RYR2: variants seen among roughly 807,000 people sequenced by gnomAD.
RYR2 encodes ryanodine receptor 2.
In RYR2, 227 loss-of-function variants were observed where a neutral mutation model predicts 601.1. The observed-to-expected ratio is 0.38, with a 90% CI of 0.34 to 0.42. The LOEUF is 0.42. RYR2 is among the 10% of genes least tolerant of loss of function. RYR2 has a pLI of 1.00. For missense variants in RYR2, 4,646 were observed against 6,156.5 expected (o/e 0.75, Z 8.21); for synonymous variants, 2,223 against 2,175.1 (o/e 1.02, Z -0.61).
At chr1:237,435,347 A>G (rs1423843189) in intron 12 of RYR2, among the ~76,000 whole-genome samples, 1 of 152,220 alleles carries the variant, frequency 6.6e-6, no homozygotes, top group Non-Finnish European at 1.5e-5. Flanking sequence ...GTTATGTGGC[A>G]GAACCAAACT....
intron 12 of RYR2, among the ~76,000 whole-genome samples, chr1:237,434,838 A>G (rs561447070): frequency 1.3e-5 from 2 of 152,192 alleles, no homozygotes; most frequent in African/African-American, 2.4e-5. Context: ...TGCAGTGGCA[A>G]GATCTTGGCT....
intron 29 of RYR2, among the ~76,000 whole-genome samples, chr1:237,577,316 A>G (rs772836125): frequency 6.6e-6 from 1 of 152,200 alleles, no homozygotes; most frequent in Non-Finnish European, 1.5e-5. Context: ...AATGTCCTCC[A>G]AAGATGTTGA....
chr1:237,472,785 G>A (rs1660879904), intron 17 of RYR2, among the ~76,000 whole-genome samples: 1 of 151,926 alleles, frequency 6.6e-6, no homozygotes, highest in South Asian at 2.1e-4. Flanking sequence ...TGCACGCATA[G>A]GCTGTAGAAA....
intron 62 of RYR2, among the ~76,000 whole-genome samples, chr1:237,685,979 G>A (rs1011656165): frequency 3.3e-5 from 5 of 152,164 alleles, no homozygotes; most frequent in African/African-American, 1.2e-4. Flanking sequence ...ACAGAAGTGA[G>A]GGGTGATGGC....
chr1:237,832,405 G>C (rs1452675899), intron 104 of RYR2, 147 bp from the exon 105 acceptor site: 2 of 468,686 alleles, frequency 4.3e-6, no homozygotes, highest in Admixed American at 7.6e-5. Context: ...GAGACGTTAA[G>C]GTCTGGTATA....
At chr1:237,199,487 C>G (rs12097733) in intron 1 of RYR2, among the ~76,000 whole-genome samples, 9,051 of 152,262 alleles carry the variant, frequency 0.059, 914 homozygotes, top group African/African-American at 0.21. Context: ...CCAGGAGACT[C>G]AGCAAGTCTT....
intron 22 of RYR2, among the ~76,000 whole-genome samples, chr1:237,505,516 A>G (rs1665129966): frequency 6.6e-6 from 1 of 152,222 alleles, no homozygotes; most frequent in Non-Finnish European, 1.5e-5. Context: ...TAAACATGCA[A>G]ACATTGTTCA....
At chr1:237,547,957 A>G (rs967768882) in intron 25 of RYR2, among the ~76,000 whole-genome samples, 1 of 152,238 alleles carries the variant, frequency 6.6e-6, no homozygotes, top group Non-Finnish European at 1.5e-5. Context: ...TTACAAATGC[A>G]TTTAAATTTC....
chr1:237,083,750 C>A (rs1240211111), intron 1 of RYR2, among the ~76,000 whole-genome samples: 1 of 152,118 alleles, frequency 6.6e-6, no homozygotes, highest in African/African-American at 2.4e-5. Flanking sequence ...CCCACTGCTT[C>A]TTATATTACT....
At chr1:237,389,157 A>C (rs2149854399) in intron 10 of RYR2, among the ~76,000 whole-genome samples, 1 of 152,312 alleles carries the variant, frequency 6.6e-6, no homozygotes, top group African/African-American at 2.4e-5. Context: ...TTTAGGAAGA[A>C]GATGTCGATG....
intron 80 of RYR2, among the ~76,000 whole-genome samples, chr1:237,749,295 G>A (rs894152941): frequency 1.3e-5 from 2 of 152,116 alleles, no homozygotes; most frequent in African/African-American, 2.4e-5. Context: ...CTGTGTGAGC[G>A]GAAGCCTCAA....
intron 58 of RYR2, among the ~76,000 whole-genome samples, chr1:237,673,185 C>A (rs546103945): frequency 1.3e-5 from 2 of 152,148 alleles, no homozygotes; most frequent in African/African-American, 4.8e-5. Flanking sequence ...GGTAGTTGAG[C>A]CTCTCACACA....
At chr1:237,553,883 G>A (rs188424739) in intron 27 of RYR2, among the ~76,000 whole-genome samples, 43 of 151,878 alleles carry the variant, frequency 2.8e-4, no homozygotes, top group Admixed American at 2.3e-3. Flanking sequence ...CCTGTGATTT[G>A]GCTAAATTTA....
intron 71 of RYR2, among the ~76,000 whole-genome samples, chr1:237,715,328 A>T (rs1233040697): frequency 2.6e-5 from 4 of 152,186 alleles, no homozygotes; most frequent in African/African-American, 9.7e-5. Flanking sequence ...AAAAATACCC[A>T]ATATGTGCGT....
intron 1 of RYR2, among the ~76,000 whole-genome samples, chr1:237,154,491 C>G (rs1242009078): frequency 1.3e-5 from 2 of 152,124 alleles, no homozygotes; most frequent in South Asian, 2.1e-4. Flanking sequence ...TGAAACACTC[C>G]AAACCTGCTT....
intron 1 of RYR2, among the ~76,000 whole-genome samples, chr1:237,148,523 A>AGT (rs1316106371): frequency 2.1e-5 from 1 of 48,286 alleles, no homozygotes; most frequent in South Asian, 1.1e-3. Flanking sequence ...AGTAAAAAAA[A>AGT]AAAAATATAT....
At chr1:237,323,543 A>G (rs539130107) in intron 2 of RYR2, among the ~76,000 whole-genome samples, 2 of 152,326 alleles carry the variant, frequency 1.3e-5, no homozygotes, top group African/African-American at 4.8e-5. Context: ...AAATAATTGT[A>G]AAAATCAGAT....
At chr1:237,698,628 G>A (rs760378921) in intron 63 of RYR2, among the ~76,000 whole-genome samples, 7 of 152,124 alleles carry the variant, frequency 4.6e-5, no homozygotes, top group Non-Finnish European at 1.0e-4. Flanking sequence ...GACTTTAAAA[G>A]TTTGTAAACA....
chr1:237,707,039 C>T lies in RYR2; in HGVS notation c.9671C>T (p.Ser3224Phe), dbSNP rs1688439810. 1.9e-6 allele frequency: 3 copies of T among 1,613,690 alleles called. No individual in the cohort carries two copies. Among genetic ancestry groups the T allele is most frequent in the Non-Finnish European group, 2.5e-6 (3 of 1,179,690 alleles). The stretch of plus-strand genomic sequence containing the variant: ...GAAGAAATCGTGGAATTAGCCGAGT[C>T]CGGCATTCGCTACACTCAAATGCCA... ...LMEEIVELAESGIRYTQMPHV... is the reference protein window; with the variant it reads ...LMEEIVELAEFGIRYTQMPHV... The change falls in exon 68 of 105, where the codon TCC becomes TTC. Residue 3224 changes from serine (S) to phenylalanine (F), a missense_variant. Ser to Phe is a radical substitution (Grantham distance 155). This residue lies in a region of RYR2 where 1,497 missense variants were observed against 1,842.6 expected (regional missense o/e 0.81). Coordinates refer to ENST00000366574, the MANE Select transcript of RYR2 (RefSeq NM_001035.3).
Sources: gnomAD v4.1 joint callset for allele counts (sites outside exome capture counted in the v4.1 genomes callset) on GRCh38, gnomAD v4.1.1 for gene constraint, gnomAD v4.1.1 regional missense constraint, MANE v1.5 for transcripts, NCBI Gene and HGNC (gene_info 2026-07-23, HGNC 2026-07-21) for gene names.